Variants in CCDC149 observed in about 807,000 individuals in gnomAD.
The protein encoded by CCDC149 is coiled-coil domain containing 149, also known as coiled-coil domain-containing protein 149.
A neutral mutation model predicts 59.9 loss-of-function variants in CCDC149; 45 were observed. That is an observed-to-expected ratio of 0.75 (90% confidence interval 0.59 to 0.96). CCDC149 has a LOEUF of 0.96. Among genes scored for constraint, CCDC149 ranks in the 40% least tolerant of loss-of-function variants. The pLI is 0.00. For synonymous variants in CCDC149, 245 were observed against 260.6 expected (o/e 0.94, Z 0.58); for missense variants, 584 against 664.7 (o/e 0.88, Z 1.33).
At chr4:24,913,213 T>C (rs533140230), upstream of CCDC149, among the ~76,000 whole-genome samples, 1 of 152,172 alleles carries the variant, frequency 6.6e-6, no homozygotes, top group African/African-American at 2.4e-5. Flanking sequence ...TACAGGTCAC[T>C]CCGGACCCCT....
chr4:24,853,143 G>A lies in CCDC149; in HGVS notation c.301C>T (p.Arg101Ter), dbSNP rs192450541. 27 of 1,613,286 alleles carry A rather than the reference G, an allele frequency of 1.7e-5. No homozygotes were observed. In the Admixed American group the frequency reaches 3.0e-4, roughly 18 times the overall value. ...ATTTCTTCTCCCAGATGTTTATTTC[G>A]GTCCTGAGAATCTCTCAATAGTTGT... Residue 101 changes from arginine to a stop codon, truncating the protein, a stop_gained, in exon 4 of 13, where the codon CGA (arginine) becomes TGA (stop). Coordinates refer to ENST00000635206, the MANE Select transcript of CCDC149 (RefSeq NM_001330643.2). LOFTEE classifies it high-confidence loss of function.
intron 7 of CCDC149, 61 bp from the exon 8 acceptor site, chr4:24,835,093 T>C (rs1316678150): frequency 3.5e-6 from 4 of 1,151,168 alleles, no homozygotes; most frequent in Non-Finnish European, 5.2e-6. Context: ...GAAAAGTACC[T>C]AGCAGATGCC....
intron 3 of CCDC149, among the ~76,000 whole-genome samples, chr4:24,865,256 C>G (rs957159045): frequency 6.6e-6 from 1 of 152,114 alleles, no homozygotes; most frequent in African/African-American, 2.4e-5. Flanking sequence ...AAGTTTGATA[C>G]TCTGAGACCC....
Position 24,876,517 on chromosome 4 carries a change from AG to A in CCDC149, c.225+18del. On this transcript the variant is annotated intron_variant, in intron 2 of 12. Coordinates refer to ENST00000635206, the MANE Select transcript of CCDC149 (RefSeq NM_001330643.2). ...TCAGGGAACAGGAAAGTCGCTGAAC[AG>A]GGCAGCCTAACACTTACAATCAGCT... 2 of 1,594,142 alleles carry A rather than the reference AG, an allele frequency of 1.3e-6. No homozygotes were observed. The highest frequency in any genetic ancestry group is 1.7e-6 in the Non-Finnish European group (2 of 1,167,724).
At chr4:24,856,857 T>G (rs1012040442) in intron 3 of CCDC149, among the ~76,000 whole-genome samples, 21 of 152,110 alleles carry the variant, frequency 1.4e-4, no homozygotes, top group African/African-American at 5.1e-4. Context: ...ACATAATCCC[T>G]CCCTACCAGA....
chr4:24,824,100 C>T (rs1467689269), intron 9 of CCDC149, among the ~76,000 whole-genome samples: 2 of 152,186 alleles, frequency 1.3e-5, no homozygotes, highest in East Asian at 3.9e-4. Context: ...AAAGATAAGG[C>T]TTAACTCTTC....
At position 24,938,890 on chromosome 4, in the gene CCDC149, G is replaced by A. The variant is rs532919553; in HGVS notation, c.-65+41179C>T. 1.6e-3 allele frequency among the ~76,000 whole-genome samples: 244 copies of A among 152,344 alleles called. 1 individual carries two copies. Among genetic ancestry groups the A allele is most frequent in the Admixed American group, 2.7e-3 (41 of 15,306 alleles). On this transcript the variant is annotated intron_variant, in intron 1 of 12. Coordinates refer to the CCDC149 transcript ENST00000389609. ...TCAGGCTTGAGTAGGTAAACAAAGC[G>A]GCCGGGAAGCTTGAACTGGGTGGAG...
At chr4:24,897,045 G>C (rs759012105) in intron 1 of CCDC149, among the ~76,000 whole-genome samples, 47 of 152,132 alleles carry the variant, frequency 3.1e-4, no homozygotes, top group Non-Finnish European at 5.9e-4. Context: ...CAAGCTGCAG[G>C]CAAGGCACAA....
At chr4:24,804,217 G>A (rs772108018), downstream of CCDC149, among the ~76,000 whole-genome samples, 3 of 152,146 alleles carry the variant, frequency 2.0e-5, no homozygotes, top group African/African-American at 7.2e-5. Flanking sequence ...TACAGGCCGG[G>A]CGCAGTGGCT....
At chr4:24,951,288 C>T (rs1293890040) in intron 1 of CCDC149, among the ~76,000 whole-genome samples, 1 of 152,228 alleles carries the variant, frequency 6.6e-6, no homozygotes, top group Non-Finnish European at 1.5e-5. Flanking sequence ...CATCCCCTCT[C>T]ATTTTTGGAA....
intron 1 of CCDC149, among the ~76,000 whole-genome samples, chr4:24,918,925 C>A (rs1577485240): frequency 6.6e-6 from 1 of 152,174 alleles, no homozygotes; most frequent in Admixed American, 6.5e-5. Context: ...AGTCAAATTT[C>A]TCTTTGTTCT....
At chr4:24,864,631 C>T (rs578101256) in intron 3 of CCDC149, among the ~76,000 whole-genome samples, 3 of 152,288 alleles carry the variant, frequency 2.0e-5, no homozygotes, top group African/African-American at 7.2e-5. Context: ...GCTGGCCCTG[C>T]GTGAATTAAA....
intron 2 of CCDC149, among the ~76,000 whole-genome samples, chr4:24,874,840 C>G (rs966476365): frequency 2.6e-5 from 4 of 152,154 alleles, no homozygotes; most frequent in Non-Finnish European, 5.9e-5. Flanking sequence ...GCCTCAAAAG[C>G]AGCAAGAATG....
chr4:24,950,198 T>C (rs1577501730), intron 1 of CCDC149, among the ~76,000 whole-genome samples: 1 of 152,324 alleles, frequency 6.6e-6, no homozygotes, highest in South Asian at 2.1e-4. Context: ...ACAGTGAGAA[T>C]GCAAAGGCTG....
intron 1 of CCDC149, among the ~76,000 whole-genome samples, chr4:24,953,566 T>C (rs1388696571): frequency 6.6e-6 from 1 of 152,164 alleles, no homozygotes; most frequent in African/African-American, 2.4e-5. Context: ...CAGCAAACTC[T>C]AGAGAAGCAA....
chr4:24,876,682 T>G lies in CCDC149; in HGVS notation c.79A>C (p.Arg27=). The change falls in exon 2 of 13, where the codon AGG becomes CGG. Residue 27 remains arginine (R), a synonymous_variant. Coordinates refer to ENST00000635206, the MANE Select transcript of CCDC149 (RefSeq NM_001330643.2). ...GCTTCCTTCTTACTCTCCAGCTTCC[T>G]CTTACACACCAGGTACTGCAAAGCA... The G allele has an allele frequency of 6.2e-7, 1 of 1,612,474 alleles. No individual in the cohort carries two copies. The highest frequency in any genetic ancestry group is 8.5e-7 in the Non-Finnish European group (1 of 1,179,270).
intron 1 of CCDC149, among the ~76,000 whole-genome samples, chr4:24,947,528 C>T (rs1269260534): frequency 1.3e-5 from 2 of 152,138 alleles, no homozygotes; most frequent in African/African-American, 4.8e-5. Flanking sequence ...ATGTAGAGAA[C>T]TCCTCCCTCC....
chr4:24,970,394 G>A (rs1723923934), intron 1 of CCDC149, among the ~76,000 whole-genome samples: 1 of 152,130 alleles, frequency 6.6e-6, no homozygotes, highest in Non-Finnish European at 1.5e-5. Context: ...AGCAAATTTT[G>A]GACAAAGGAC....
At chr4:24,849,840 T>C (rs1490117226) in intron 4 of CCDC149, among the ~76,000 whole-genome samples, 1 of 152,208 alleles carries the variant, frequency 6.6e-6, no homozygotes, top group African/African-American at 2.4e-5. Flanking sequence ...GCCCTGCTGT[T>C]TGGCCTCAGA....
Sources: allele counts gnomAD v4.1 joint callset (sites outside exome capture counted in the v4.1 genomes callset), GRCh38; gene constraint gnomAD v4.1.1; transcripts MANE v1.5; gene names NCBI Gene and HGNC (gene_info 2026-07-23, HGNC 2026-07-21).